The following CNTN5 variants were observed in gnomAD, a reference collection of about 807,000 sequenced individuals.
The protein encoded by CNTN5 is contactin-5.
In CNTN5, 77 loss-of-function variants were observed where a neutral mutation model predicts 129.1. The observed-to-expected ratio is 0.60, with a 90% confidence interval of 0.50 to 0.72. The LOEUF is 0.72. Among genes scored for constraint, CNTN5 ranks in the 30% least tolerant of loss-of-function variants. The pLI, the probability that CNTN5 is intolerant of heterozygous loss-of-function variation, is 0.00. For synonymous variants in CNTN5, 509 were observed against 465.6 expected (o/e 1.09, Z -1.20); for missense variants, 1,478 against 1,328.8 (o/e 1.11, Z -1.75).
At chr11:99,733,627 T>A (rs2135113918) in intron 3 of CNTN5, among the ~76,000 whole-genome samples, 1 of 152,268 alleles carries the variant, frequency 6.6e-6, no homozygotes, top group South Asian at 2.1e-4. Context: ...CCAAAATACT[T>A]GTTTTTAAAG....
intron 3 of CNTN5, among the ~76,000 whole-genome samples, chr11:99,737,258 C>T (rs184469400): frequency 7.2e-5 from 11 of 152,266 alleles, no homozygotes; most frequent in African/African-American, 2.4e-4. Context: ...AATCAACTTA[C>T]TCTAAATAAC....
At chr11:99,892,864 G>T (rs1949101315) in intron 6 of CNTN5, among the ~76,000 whole-genome samples, 1 of 152,140 alleles carries the variant, frequency 6.6e-6, no homozygotes, top group Non-Finnish European at 1.5e-5. Flanking sequence ...ATTCTGTGAA[G>T]AAAGTCAATG....
At chr11:99,480,506 T>C (rs1359165708) in intron 2 of CNTN5, among the ~76,000 whole-genome samples, 1 of 152,184 alleles carries the variant, frequency 6.6e-6, no homozygotes, top group African/African-American at 2.4e-5. Flanking sequence ...GTAGAACATA[T>C]GGAACAATGG....
intron 2 of CNTN5, among the ~76,000 whole-genome samples, chr11:99,456,656 T>C (rs570606269): frequency 2.0e-5 from 3 of 152,240 alleles, no homozygotes; most frequent in South Asian, 2.1e-4. Context: ...TTTCCAACTA[T>C]TTGTTCTTTT....
intron 3 of CNTN5, among the ~76,000 whole-genome samples, chr11:99,727,903 T>G (rs564651871): frequency 1.1e-5 from 1 of 94,340 alleles, no homozygotes; most frequent in African/African-American, 4.9e-5. Context: ...TCACTGTCTC[T>G]ATTTTACATA....
intron 16 of CNTN5, among the ~76,000 whole-genome samples, chr11:100,226,455 G>T (rs929655330): frequency 1.3e-5 from 2 of 152,060 alleles, no homozygotes; most frequent in Non-Finnish European, 1.5e-5. Flanking sequence ...ACTCAACAGG[G>T]TTTAGAATAT....
At chr11:99,674,907 C>G (rs940129719) in intron 3 of CNTN5, among the ~76,000 whole-genome samples, 3 of 152,162 alleles carry the variant, frequency 2.0e-5, no homozygotes, top group African/African-American at 7.2e-5. Context: ...TTCTCTTACC[C>G]TTCCATCTTT....
intron 17 of CNTN5, among the ~76,000 whole-genome samples, chr11:100,270,587 A>G (rs1950390559): frequency 1.3e-5 from 2 of 152,228 alleles, no homozygotes; most frequent in African/African-American, 4.8e-5. Flanking sequence ...AAAAATGTAA[A>G]GGTAGTACAA....
chr11:99,448,127 A>G (rs773662143), intron 2 of CNTN5, among the ~76,000 whole-genome samples: 1 of 152,168 alleles, frequency 6.6e-6, no homozygotes, highest in Non-Finnish European at 1.5e-5. Flanking sequence ...CATCAAATTT[A>G]TCGCTAAATG....
In CNTN5 at chr11:100,083,188, A is replaced by C. The variant is rs919171765; in HGVS notation, c.1580+8894A>C. Among the ~76,000 whole-genome samples the C allele has an allele frequency of 2.0e-5, 3 of 151,758 alleles. No individual in the cohort carries two copies. In the South Asian group the frequency reaches 6.2e-4, roughly 31 times the overall value. On this transcript the variant is annotated intron_variant, in intron 13 of 24. Coordinates refer to ENST00000524871, the MANE Select transcript of CNTN5 (RefSeq NM_014361.4). ...AAAAATTAGCTGGGCGTGGTGGTGC[A>C]TTCCTGTAATCCCAGCTACTCGGGA...
At chr11:100,032,108 A>C (rs1941743682) in intron 9 of CNTN5, among the ~76,000 whole-genome samples, 1 of 152,176 alleles carries the variant, frequency 6.6e-6, no homozygotes, top group Non-Finnish European at 1.5e-5. Context: ...AACTTGAAAC[A>C]ATGTTTCAGG....
intron 3 of CNTN5, among the ~76,000 whole-genome samples, chr11:99,811,678 CATTAT>C (rs1271865884): frequency 6.6e-6 from 1 of 151,710 alleles, no homozygotes; most frequent in Non-Finnish European, 1.5e-5. Context: ...GTCCCAGGGT[CATTAT>C]ATTAGGAAAT....
intron 1 of CNTN5, among the ~76,000 whole-genome samples, chr11:99,037,708 T>G (rs1003404131): frequency 2.7e-5 from 4 of 150,752 alleles, no homozygotes; most frequent in Non-Finnish European, 5.9e-5. Flanking sequence ...GCGTCCCAAG[T>G]AGCTGGGATT....
At chr11:99,333,161 G>A (rs966950324) in intron 2 of CNTN5, among the ~76,000 whole-genome samples, 2 of 151,818 alleles carry the variant, frequency 1.3e-5, no homozygotes, top group Non-Finnish European at 2.9e-5. Flanking sequence ...AAAGTTTTAT[G>A]CTTTTATTTT....
At chr11:99,327,712 A>G (rs1296669534) in intron 2 of CNTN5, among the ~76,000 whole-genome samples, 1 of 152,218 alleles carries the variant, frequency 6.6e-6, no homozygotes, top group East Asian at 1.9e-4. Context: ...TCATTCATAT[A>G]CTTGCACCTA....
chr11:99,409,872 G>A (rs538521146), intron 2 of CNTN5, among the ~76,000 whole-genome samples: 40 of 152,230 alleles, frequency 2.6e-4, no homozygotes, highest in African/African-American at 9.4e-4. Context: ...TATTGGGAAA[G>A]GAAAGCTTAA....
intron 20 of CNTN5, among the ~76,000 whole-genome samples, 159 bp downstream of exon 20, chr11:100,299,555 T>A (rs906925545): frequency 1.6e-4 from 24 of 151,544 alleles, no homozygotes; most frequent in African/African-American, 5.8e-4. Flanking sequence ...AAACTTTTTT[T>A]AATTTTTTAA....
At chr11:99,125,037 T>C (rs1858550809) in intron 1 of CNTN5, among the ~76,000 whole-genome samples, 1 of 150,998 alleles carries the variant, frequency 6.6e-6, no homozygotes. Context: ...TAGAGATGTA[T>C]AAAAAAAAGC....
intron 16 of CNTN5, among the ~76,000 whole-genome samples, chr11:100,243,636 A>C (rs1318490437): frequency 6.6e-6 from 1 of 152,176 alleles, no homozygotes; most frequent in East Asian, 1.9e-4. Flanking sequence ...TTTTAAACTC[A>C]ATTACTTCTG....
Sources: gnomAD v4.1 joint callset for allele counts (sites outside exome capture counted in the v4.1 genomes callset) on GRCh38, gnomAD v4.1.1 for gene constraint, MANE v1.5 for transcripts, NCBI Gene and HGNC (gene_info 2026-07-23, HGNC 2026-07-21) for gene names.